Variants in KCMF1 observed in about 807,000 individuals in gnomAD.
KCMF1 encodes the protein E3 ubiquitin-protein ligase KCMF1.
In KCMF1, 3 loss-of-function variants were observed where a neutral mutation model predicts 41.1. The observed-to-expected ratio is 0.07, with a 90% CI of 0.03 to 0.19. The LOEUF (loss-of-function observed/expected upper bound fraction) is 0.19, where lower values mean the gene tolerates loss of function less well. Among genes scored for constraint, KCMF1 ranks in the 10% least tolerant of loss-of-function variants. The pLI is 1.00. For missense variants in KCMF1, 286 were observed against 488.9 expected (o/e 0.58, Z 3.91); for synonymous variants, 142 against 164.5 (o/e 0.86, Z 1.04).
chr2:85,046,938 G>A (rs560617627), intron 5 of KCMF1, among the ~76,000 whole-genome samples: 2 of 152,028 alleles, frequency 1.3e-5, no homozygotes, highest in Non-Finnish European at 2.9e-5. Context: ...TATATTTTTA[G>A]ATTTACTCTA....
intron 1 of KCMF1, among the ~76,000 whole-genome samples, chr2:84,996,542 T>A (rs1297017935): frequency 6.6e-6 from 1 of 151,144 alleles, no homozygotes. Flanking sequence ...TTCAAGCGAT[T>A]CTCCTGCCTC....
At chr2:85,020,667 A>T (rs774705724) in intron 1 of KCMF1, among the ~76,000 whole-genome samples, 1 of 152,140 alleles carries the variant, frequency 6.6e-6, no homozygotes, top group African/African-American at 2.4e-5. Flanking sequence ...CACTCAAACA[A>T]TCTGTTCCCT....
intron 1 of KCMF1, among the ~76,000 whole-genome samples, chr2:85,015,877 G>T (rs1674756906): frequency 6.6e-6 from 1 of 152,152 alleles, no homozygotes; most frequent in Admixed American, 6.5e-5. Context: ...GACGACCTCT[G>T]TGTGGCAAGA....
rs1023177876 is a variant in KCMF1, at chr2:85,055,579, A to G, written c.*2170A>G. 4.6e-5 allele frequency: 7 copies of G among 152,206 alleles called. No homozygotes were observed. The highest frequency in any genetic ancestry group is 1.7e-4 in the African/African-American group (7 of 41,464). The allele number at this position is 152,206 out of a possible 1,614,324, so 9.4% of individuals were successfully genotyped here. On this transcript the variant is annotated 3_prime_UTR_variant, in exon 7 of 7. Transcript: ENST00000409785. ...TTCCATCTCATGTAGAATACTGTATATTAATTATTTTTTACCAGATATTTT... is the reference window on the plus strand; with the variant it reads ...TTCCATCTCATGTAGAATACTGTATGTTAATTATTTTTTACCAGATATTTT...
intron 1 of KCMF1, among the ~76,000 whole-genome samples, chr2:85,019,728 GTGTGTGTGTATATATATGTATATA>G (rs1674880507): frequency 6.6e-6 from 1 of 150,694 alleles, no homozygotes; most frequent in Non-Finnish European, 1.5e-5. Flanking sequence ...AAATATATAT[GTGTGTGTGTATATATATGTATATA>G]TGTGTGTGTA....
At chr2:84,984,136 T>A (rs1449472075) in intron 1 of KCMF1, among the ~76,000 whole-genome samples, 1 of 152,128 alleles carries the variant, frequency 6.6e-6, no homozygotes, top group Non-Finnish European at 1.5e-5. Context: ...ATCCCAGCAC[T>A]TTGGGAGGCT....
chr2:85,055,641 T>C lies in KCMF1; in HGVS notation c.*2232T>C, dbSNP rs1675909385. On this transcript the variant is annotated 3_prime_UTR_variant, in exon 7 of 7. Transcript: ENST00000409785. ...ACCTCATCCTGTATGTAATCAATAA[T>C]GTATTATTTTAGGGTAGAACGACAC... The C allele has an allele frequency of 6.6e-6, 1 of 152,170 alleles. No individual in the cohort carries two copies. Among genetic ancestry groups the C allele is most frequent in the Non-Finnish European group, 1.5e-5 (1 of 68,020 alleles). The allele number at this position is 152,170 out of a possible 1,614,324, so 9.4% of individuals were successfully genotyped here.
intron 6 of KCMF1, among the ~76,000 whole-genome samples, chr2:85,050,706 G>A (rs1675787414): frequency 6.6e-6 from 1 of 152,188 alleles, no homozygotes. Flanking sequence ...GAAGAATAAA[G>A]TTTGTGTAAT....
intron 5 of KCMF1, 51 bp downstream of exon 5, chr2:85,046,329 C>T (rs1456215716): frequency 2.7e-6 from 4 of 1,467,108 alleles, no homozygotes; most frequent in Non-Finnish European, 3.7e-6. Context: ...GGAGGAGCTC[C>T]TTTTAAAACT....
intron 1 of KCMF1, among the ~76,000 whole-genome samples, chr2:85,001,688 G>A (rs1230259414): frequency 3.3e-5 from 5 of 152,066 alleles, no homozygotes; most frequent in Non-Finnish European, 5.9e-5. Context: ...GTCCTGTGTG[G>A]GTGATACCTC....
chr2:85,035,238 T>C, intron 3 of KCMF1, 83 bp downstream of exon 3: 1 of 1,158,072 alleles, frequency 8.6e-7, no homozygotes, highest in Admixed American at 2.4e-5. Context: ...GTCACTGTCA[T>C]CTGCTTCCTG....
chr2:85,004,956 C>T (rs1007750548), intron 1 of KCMF1, among the ~76,000 whole-genome samples: 1 of 152,042 alleles, frequency 6.6e-6, no homozygotes, highest in East Asian at 1.9e-4. Flanking sequence ...CTGCCTCAGC[C>T]TCTCAAGTAG....
intron 1 of KCMF1, among the ~76,000 whole-genome samples, chr2:84,997,198 T>C (rs2103984745): frequency 6.6e-6 from 1 of 152,338 alleles, no homozygotes; most frequent in South Asian, 2.1e-4. Context: ...AATTTTTTTG[T>C]GGTGCTCACT....
rs1433724322 is a variant in KCMF1, at chr2:85,056,715, G to A, written c.*3306G>A. 1 of 152,196 alleles carries A rather than the reference G, an allele frequency of 6.6e-6. No homozygotes were observed. Among genetic ancestry groups the A allele is most frequent in the Non-Finnish European group, 1.5e-5 (1 of 68,040 alleles). The allele number at this position is 152,196 out of a possible 1,614,324, so 9.4% of individuals were successfully genotyped here. A position where few individuals can be genotyped will look rare whatever the true frequency, so the allele number is the denominator to read the frequency against. On this transcript the variant is annotated 3_prime_UTR_variant, in exon 7 of 7. Transcript: ENST00000409785. The stretch of plus-strand genomic sequence containing the variant: ...TAAGTGGGGTCTGATATGGCTTACT[G>A]ATACAGGCATGTGTAAAAAACTAAG...
chr2:85,049,907 C>A (rs553594423), intron 6 of KCMF1, among the ~76,000 whole-genome samples: 3 of 152,242 alleles, frequency 2.0e-5, no homozygotes, highest in Non-Finnish European at 4.4e-5. Flanking sequence ...ACCTGTAATC[C>A]CAGCACTTTG....
At chr2:85,001,894 G>A (rs1292365589) in intron 1 of KCMF1, among the ~76,000 whole-genome samples, 1 of 152,180 alleles carries the variant, frequency 6.6e-6, no homozygotes, top group Admixed American at 6.6e-5. Context: ...ATAGCTTGTT[G>A]TTTATCTAAG....
intron 1 of KCMF1, among the ~76,000 whole-genome samples, chr2:84,978,816 A>C (rs1673623976): frequency 6.6e-6 from 1 of 151,952 alleles, no homozygotes; most frequent in Admixed American, 6.6e-5. Flanking sequence ...CCTGGGTTCA[A>C]GCGATTCTCC....
intron 1 of KCMF1, among the ~76,000 whole-genome samples, chr2:84,985,843 C>G (rs1000170923): frequency 5.9e-5 from 9 of 151,832 alleles, no homozygotes; most frequent in Admixed American, 5.9e-4. Flanking sequence ...AAAAAAAACC[C>G]TTGGGCCTAG....
chr2:84,984,717 G>A (rs1349293636), intron 1 of KCMF1, among the ~76,000 whole-genome samples: 2 of 152,128 alleles, frequency 1.3e-5, no homozygotes, highest in East Asian at 1.9e-4. Context: ...CTACTCGGGA[G>A]GCTGAGGCAG....
Sources: gnomAD v4.1 joint callset for allele counts (sites outside exome capture counted in the v4.1 genomes callset) on GRCh38, gnomAD v4.1.1 for gene constraint, MANE v1.5 for transcripts, NCBI Gene and HGNC (gene_info 2026-07-23, HGNC 2026-07-21) for gene names.